Variants in PCDHGA9 observed in about 807,000 individuals in gnomAD.
PCDHGA9 encodes the protein protocadherin gamma subfamily A, 9.
PCDHGA9 carries 37 observed loss-of-function variants against 62.5 expected under a neutral mutation model. The ratio of observed to expected loss-of-function variants is 0.59; its 90% CI spans 0.46 to 0.78. PCDHGA9 has a LOEUF of 0.78. Ranked by LOEUF, PCDHGA9 falls within the 30% of genes least tolerant of loss-of-function variation. The pLI is 0.00. For synonymous variants in PCDHGA9, 459 were observed against 484.6 expected, an observed-to-expected ratio of 0.95 and a Z score of 0.69; for missense variants, 1,138 against 1,166.2, an observed-to-expected ratio of 0.98 and a Z score of 0.35.
Position 141,489,400 on chromosome 5 carries a change from T to A in PCDHGA9, c.2425-5407T>A. 6.2e-7 allele frequency: 1 copy of A among 1,614,134 alleles called. No individual in the cohort carries two copies. Among genetic ancestry groups the A allele is most frequent in the Non-Finnish European group, 8.5e-7 (1 of 1,180,020 alleles). On this transcript the variant is annotated intron_variant, in intron 1 of 3. Transcript: ENST00000573521. This position sits in a 1 kb window ranked among gnomAD's most constrained non-coding sequence, Gnocchi z 4.5. ...GGGGAATGTTGCTCAGGATCTGGGC[T>A]TAAAGATGACAGATCTGTTGAGCCG...
In PCDHGA9 at chr5:141,430,181, T is replaced by A. The variant is rs561671481; in HGVS notation, c.2424+24805T>A. ...TCTATTTAAAAATATTTTCCCCAAA[T>A]TATAGCTGAATCAGAAAGTTTAAAT... On this transcript the variant is annotated intron_variant, in intron 1 of 3. Transcript: ENST00000573521. 2.0e-5 allele frequency among the ~76,000 whole-genome samples: 3 copies of A among 152,252 alleles called. No homozygotes were observed. The South Asian group carries it at 6.2e-4, about 32-fold the overall frequency.
At position 141,431,056 on chromosome 5, in the gene PCDHGA9, C is replaced by T; in HGVS notation, c.2424+25680C>T. ...ACCGGGAGGAGCTCTGTATGGGGGC[C>T]ATCAAGTGTCAATTAAATCTAGACA... On this transcript the variant is annotated intron_variant, in intron 1 of 3. Transcript: ENST00000573521. The surrounding 1 kb of genome is among the most constrained non-coding windows in gnomAD (Gnocchi z 4.8). 1 of 1,614,126 alleles carries T rather than the reference C, an allele frequency of 6.2e-7. No homozygotes were observed. The highest frequency in any genetic ancestry group is 8.5e-7 in the Non-Finnish European group (1 of 1,180,000).
intron 1 of PCDHGA9, among the ~76,000 whole-genome samples, chr5:141,437,426 C>T (rs531265278): frequency 6.6e-6 from 1 of 152,268 alleles, no homozygotes; most frequent in South Asian, 2.1e-4. Flanking sequence ...CTTTTTGAAG[C>T]AGCAATAGCA....
chr5:141,415,465 A>G (rs751798354), intron 1 of PCDHGA9: 19 of 1,613,976 alleles, frequency 1.2e-5, no homozygotes, highest in Non-Finnish European at 1.5e-5. Context: ...GGTCTCTCTC[A>G]CCGCGGACTC....
chr5:141,415,001 C>G (rs1326591845), intron 1 of PCDHGA9: 2 of 1,613,712 alleles, frequency 1.2e-6, no homozygotes, highest in Non-Finnish European at 1.7e-6. Context: ...GCCTGGCTGT[C>G]CTACCGTCTG....
Position 141,486,683 on chromosome 5 carries a change from G to C in PCDHGA9, c.2425-8124G>C, listed in dbSNP as rs1207359772. 6.2e-7 allele frequency: 1 copy of C among 1,613,974 alleles called. No individual in the cohort carries two copies. ...GGAGCCCAGGAATCGAGATGTATCA[G>C]CTTCCTCTTTCATCTCTCTGAACCC... On this transcript the variant is annotated intron_variant, in intron 1 of 3. Coordinates refer to ENST00000573521, the MANE Select transcript of PCDHGA9 (RefSeq NM_018921.3). This position sits in a 1 kb window ranked among gnomAD's most constrained non-coding sequence, Gnocchi z 5.0.
chr5:141,467,055 CTTT>C (rs1193465269), intron 1 of PCDHGA9, among the ~76,000 whole-genome samples: 5 of 134,460 alleles, frequency 3.7e-5, no homozygotes, highest in Admixed American at 7.5e-5. Context: ...TCAATGTTTT[CTTT>C]TTTTTTTTTT....
In PCDHGA9 at chr5:141,490,134, C is replaced by G; in HGVS notation, c.2425-4673C>G. On this transcript the variant is annotated intron_variant, in intron 1 of 3. Transcript: ENST00000573521. This position sits in a 1 kb window ranked among gnomAD's most constrained non-coding sequence, Gnocchi z 5.4. ...GGAACCTCTTTGGCCTAGACCCTAG[C>G]AGTGGGGCAATCCATGTGTTGGGTC... The G allele has an allele frequency of 1.2e-6, 2 of 1,614,232 alleles. No homozygotes were observed. The highest frequency in any genetic ancestry group is 1.7e-6 in the Non-Finnish European group (2 of 1,180,030).
chr5:141,439,773 C>G (rs1323463060), intron 1 of PCDHGA9: 2 of 152,344 alleles, frequency 1.3e-5, no homozygotes, highest in East Asian at 3.9e-4. Flanking sequence ...TCCTTCTTGG[C>G]TGGAGATTCT....
intron 1 of PCDHGA9, chr5:141,424,706 T>G (rs752721357): frequency 4.6e-5 from 7 of 152,190 alleles, no homozygotes; most frequent in Non-Finnish European, 8.8e-5. Context: ...TTTGTTCATT[T>G]TCAGTGTAGT....
chr5:141,491,528 C>T lies in PCDHGA9; in HGVS notation c.2425-3279C>T, dbSNP rs745806026. ...GGCACGCTCAAGTACATGGAGGTGACGCTGCGGCCCACAGACTCGCAGAGC... is the reference window on the plus strand; with the variant it reads ...GGCACGCTCAAGTACATGGAGGTGATGCTGCGGCCCACAGACTCGCAGAGC... On this transcript the variant is annotated intron_variant, in intron 1 of 3. Coordinates refer to ENST00000573521, the MANE Select transcript of PCDHGA9 (RefSeq NM_018921.3). The surrounding 1 kb of genome is among the most constrained non-coding windows in gnomAD (Gnocchi z 6.9). 4 of 1,613,950 alleles carry T rather than the reference C, an allele frequency of 2.5e-6. No individual in the cohort carries two copies. Among genetic ancestry groups the T allele is most frequent in the South Asian group, 1.1e-5 (1 of 91,092 alleles).
In PCDHGA9 at chr5:141,489,948, T is replaced by C; in HGVS notation, c.2425-4859T>C. 2 of 1,614,210 alleles carry C rather than the reference T, an allele frequency of 1.2e-6. No individual in the cohort carries two copies. Among genetic ancestry groups the C allele is most frequent in the Non-Finnish European group, 1.7e-6 (2 of 1,180,030 alleles). On this transcript the variant is annotated intron_variant, in intron 1 of 3. Coordinates refer to ENST00000573521, the MANE Select transcript of PCDHGA9 (RefSeq NM_018921.3). The surrounding 1 kb of genome is among the most constrained non-coding windows in gnomAD (Gnocchi z 4.5). ...TCTCTGTCATCGTGCTGGACATCAA[T>C]GATAATGCTCCAACCTTCCAATCCT...
intron 1 of PCDHGA9, chr5:141,418,389 AT>A (rs1429903562): frequency 5.6e-6 from 9 of 1,613,878 alleles, no homozygotes; most frequent in Non-Finnish European, 6.8e-6. Flanking sequence ...CCTAACGAGT[AT>A]TTCTCATTGG....
intron 1 of PCDHGA9, chr5:141,417,924 T>C (rs1197566429): frequency 1.9e-6 from 3 of 1,609,340 alleles, no homozygotes; most frequent in Admixed American, 1.7e-5. Flanking sequence ...CCTTTGCTGC[T>C]GCCTTTGTTC....
chr5:141,410,234 CG>C, intron 1 of PCDHGA9: 1 of 1,613,984 alleles, frequency 6.2e-7, no homozygotes, highest in Non-Finnish European at 8.5e-7. Context: ...CCTCAGCGAC[CG>C]CCCTGTACTC....
At chr5:141,482,862 A>G (rs1169526338) in intron 1 of PCDHGA9, among the ~76,000 whole-genome samples, 1 of 152,180 alleles carries the variant, frequency 6.6e-6, no homozygotes, top group Non-Finnish European at 1.5e-5. Context: ...ACTTGAGGTC[A>G]GGAGTTTGAA....
chr5:141,478,631 A>G (rs781339775), intron 1 of PCDHGA9: 1 of 1,553,196 alleles, frequency 6.4e-7, no homozygotes, highest in Non-Finnish European at 8.7e-7. Context: ...CTGTTTTTTT[A>G]GTGATGAAGA....
At chr5:141,413,117 C>T (rs902301902) in intron 1 of PCDHGA9, 42 of 1,509,002 alleles carry the variant, frequency 2.8e-5, no homozygotes, top group Non-Finnish European at 3.6e-5. Flanking sequence ...ACAAAGGAAC[C>T]GGTTGAAACA....
chr5:141,448,118 G>A (rs1356488538), intron 1 of PCDHGA9, among the ~76,000 whole-genome samples: 1 of 151,534 alleles, frequency 6.6e-6, no homozygotes, highest in East Asian at 1.9e-4. Flanking sequence ...AAGAAAATTA[G>A]CCTCCCCCAC....
Sources: gnomAD v4.1 joint callset for allele counts (sites outside exome capture counted in the v4.1 genomes callset) on GRCh38, gnomAD v4.1.1 for gene constraint, Gnocchi (gnomAD v3.1) non-coding constraint, MANE v1.5 for transcripts, NCBI Gene and HGNC (gene_info 2026-07-23, HGNC 2026-07-21) for gene names.